The following RPS6KC1 variants were observed in gnomAD, a reference collection of about 807,000 sequenced individuals.
RPS6KC1 encodes ribosomal protein S6 kinase C1, also known as inactive ribosomal protein S6 kinase delta-1.
A neutral mutation model predicts 103.8 loss-of-function variants in RPS6KC1; 54 were observed. The ratio of observed to expected loss-of-function variants is 0.52; its 90% CI spans 0.42 to 0.65. The LOEUF is 0.65. RPS6KC1 is among the 30% of genes least tolerant of loss of function. The probability of loss-of-function intolerance (pLI) is 0.00; values close to 1 mark genes in which losing one functional copy is unlikely to be tolerated. For missense variants in RPS6KC1, 1,151 were observed against 1,253.8 expected (o/e 0.92, Z 1.24); for synonymous variants, 439 against 438.7 (o/e 1.00, Z -0.01).
chr1:213,624,535 A>G, the RPS6KC1 span, among the ~76,000 whole-genome samples: 1 of 152,096 alleles, frequency 6.6e-6, no homozygotes, highest in Non-Finnish European at 1.5e-5. Flanking sequence ...AGTCATGGAG[A>G]GCTTGTTGGA....
chr1:213,502,319 A>C, the RPS6KC1 span, among the ~76,000 whole-genome samples: 1 of 152,230 alleles, frequency 6.6e-6, no homozygotes, highest in Non-Finnish European at 1.5e-5. Context: ...CAAGTAAATC[A>C]GGAAAAATAT....
chr1:213,779,529 G>A, the RPS6KC1 span, among the ~76,000 whole-genome samples: 10 of 152,130 alleles, frequency 6.6e-5, no homozygotes, highest in African/African-American at 1.7e-4. Flanking sequence ...TTCCGAGATC[G>A]CAGACTTTGT....
the RPS6KC1 span, among the ~76,000 whole-genome samples, chr1:213,717,464 C>T: frequency 0.013 from 2,036 of 152,252 alleles, 29 homozygotes; most frequent in Non-Finnish European, 0.021. Context: ...GCATACTGAG[C>T]TGATGGATTG....
the RPS6KC1 span, among the ~76,000 whole-genome samples, chr1:213,758,866 C>T: frequency 1.5e-4 from 23 of 152,122 alleles, no homozygotes; most frequent in South Asian, 4.1e-4. Context: ...GGAATCTACT[C>T]CTGGTGAAGA....
At chr1:213,774,652 T>TA in the RPS6KC1 span, among the ~76,000 whole-genome samples, 13 of 152,218 alleles carry the variant, frequency 8.5e-5, no homozygotes, top group Admixed American at 5.2e-4. Flanking sequence ...CATGTGCAGT[T>TA]AACTGTGGAA....
chr1:213,421,882 C>A, the RPS6KC1 span, among the ~76,000 whole-genome samples: 4 of 152,200 alleles, frequency 2.6e-5, no homozygotes, highest in Non-Finnish European at 5.9e-5. Context: ...TCTCCCTCTG[C>A]CTAGTGTGGT....
At chr1:213,506,930 G>A in the RPS6KC1 span, among the ~76,000 whole-genome samples, 1 of 152,170 alleles carries the variant, frequency 6.6e-6, no homozygotes, top group African/African-American at 2.4e-5. Flanking sequence ...GTGGAAAGTG[G>A]CAATTCATCC....
At chr1:213,658,960 T>A in the RPS6KC1 span, among the ~76,000 whole-genome samples, 1 of 152,048 alleles carries the variant, frequency 6.6e-6, no homozygotes, top group African/African-American at 2.4e-5. Context: ...TTTTCTTTTC[T>A]TTTCTTTTTT....
At chr1:213,252,712 T>C (rs528512032) in intron 12 of RPS6KC1, among the ~76,000 whole-genome samples, 13 of 152,276 alleles carry the variant, frequency 8.5e-5, no homozygotes, top group African/African-American at 3.1e-4. Context: ...TTTATTATTT[T>C]GAGAAAAAAT....
chr1:213,204,712 G>A (rs183702588), intron 8 of RPS6KC1, among the ~76,000 whole-genome samples: 174 of 149,468 alleles, frequency 1.2e-3, no homozygotes, highest in African/African-American at 3.1e-3. Flanking sequence ...CAGTCCCGAC[G>A]TCTTGGGCTC....
At chr1:213,275,008 C>T (rs193023986), downstream of RPS6KC1, among the ~76,000 whole-genome samples, 369 of 152,106 alleles carry the variant, frequency 2.4e-3, 1 homozygote, top group Middle Eastern at 0.01. Flanking sequence ...CACTTTCTGT[C>T]TCTATGAATT....
the RPS6KC1 span, among the ~76,000 whole-genome samples, chr1:213,579,162 T>A: frequency 3.3e-5 from 5 of 152,128 alleles, no homozygotes; most frequent in African/African-American, 1.2e-4. Context: ...CCTGCTGCCA[T>A]GTAAGCTGTG....
chr1:213,546,685 T>G, the RPS6KC1 span, among the ~76,000 whole-genome samples: 9 of 152,322 alleles, frequency 5.9e-5, no homozygotes, highest in Middle Eastern at 6.8e-3. Flanking sequence ...GGCCTAATTT[T>G]TAGAATAGTT....
the RPS6KC1 span, among the ~76,000 whole-genome samples, chr1:213,645,478 C>T: frequency 4.6e-5 from 7 of 152,136 alleles, no homozygotes; most frequent in African/African-American, 1.2e-4. Flanking sequence ...TAAAGGTGTC[C>T]GAGCCAAACA....
At chr1:213,322,765 T>C in the RPS6KC1 span, among the ~76,000 whole-genome samples, 3 of 152,028 alleles carry the variant, frequency 2.0e-5, no homozygotes, top group African/African-American at 7.2e-5. Flanking sequence ...TTTATTTTTA[T>C]TTTTTGAGAG....
chr1:213,550,627 G>A, the RPS6KC1 span, among the ~76,000 whole-genome samples: 1 of 152,156 alleles, frequency 6.6e-6, no homozygotes, highest in Admixed American at 6.5e-5. Flanking sequence ...TGGAATCGCA[G>A]TAACGCTCAT....
the RPS6KC1 span, among the ~76,000 whole-genome samples, chr1:213,434,272 T>C: frequency 0.012 from 1,852 of 152,292 alleles, 34 homozygotes; most frequent in African/African-American, 0.042. Flanking sequence ...TCAGCTTTTG[T>C]ATTTCTGAAA....
chr1:213,232,023 C>G lies in RPS6KC1; in HGVS notation c.1093-100C>G, dbSNP rs2094115192. ...GGTTTCTCTGAAGCCCAGAGTAACT[C>G]GGATAGATTAGTTTGGTTGATAAAC... On this transcript the variant is annotated intron_variant, in intron 9 of 14. Transcript: ENST00000366960. The G allele has an allele frequency of 2.8e-6, 4 of 1,444,500 alleles. No individual in the cohort carries two copies. The Admixed American group carries it at 5.9e-5, about 21-fold the overall frequency. 89.5% of individuals were successfully genotyped at this position (1,444,500 alleles called of 1,614,324 possible).
At chr1:213,609,564 G>A in the RPS6KC1 span, among the ~76,000 whole-genome samples, 21 of 152,086 alleles carry the variant, frequency 1.4e-4, no homozygotes, top group African/African-American at 3.9e-4. Context: ...GTGCATCCCC[G>A]GAAATGGTTT....
Sources: gnomAD v4.1 joint callset for allele counts (sites outside exome capture counted in the v4.1 genomes callset) on GRCh38, gnomAD v4.1.1 for gene constraint, MANE v1.5 for transcripts, NCBI Gene and HGNC (gene_info 2026-07-23, HGNC 2026-07-21) for gene names.